RALYL: variants seen among roughly 807,000 people sequenced by gnomAD.
The protein encoded by RALYL is RNA-binding Raly-like protein.
A neutral mutation model predicts 35.1 loss-of-function variants in RALYL; 29 were observed. The ratio of observed to expected loss-of-function variants is 0.83; its 90% CI spans 0.61 to 1.13. The LOEUF (loss-of-function observed/expected upper bound fraction) is 1.13, where lower values mean the gene tolerates loss of function less well. Ranked by LOEUF, RALYL falls within the 50% of genes most tolerant of loss-of-function variation. The pLI is 0.00. For synonymous variants in RALYL, 120 were observed against 127.6 expected, an observed-to-expected ratio of 0.94 and a Z score of 0.40; for missense variants, 359 against 360.4, an observed-to-expected ratio of 1.00 and a Z score of 0.03.
intron 1 of RALYL, among the ~76,000 whole-genome samples, chr8:84,224,840 A>G (rs1310369534): frequency 6.6e-6 from 1 of 152,074 alleles, no homozygotes; most frequent in Non-Finnish European, 1.5e-5. Flanking sequence ...TATTTTCAGT[A>G]GAGACAGGGT....
At chr8:84,432,888 G>A (rs1339001631) in intron 1 of RALYL, among the ~76,000 whole-genome samples, 1 of 152,036 alleles carries the variant, frequency 6.6e-6, no homozygotes, top group Admixed American at 6.6e-5. Context: ...CACAATTTCA[G>A]ACTTCTATCC....
intron 1 of RALYL, among the ~76,000 whole-genome samples, chr8:84,427,720 G>C (rs1385810875): frequency 6.6e-6 from 1 of 152,098 alleles, no homozygotes. Context: ...ACTGCTATCT[G>C]AGACGCGTTC....
At chr8:84,898,771 G>A (rs368271822) in intron 8 of RALYL, among the ~76,000 whole-genome samples, 11 of 152,134 alleles carry the variant, frequency 7.2e-5, no homozygotes, top group Admixed American at 3.3e-4. Context: ...ATGTCATTCC[G>A]TACCTGATCC....
At chr8:84,693,062 G>T (rs1390545564) in intron 2 of RALYL, among the ~76,000 whole-genome samples, 1 of 151,932 alleles carries the variant, frequency 6.6e-6, no homozygotes, top group African/African-American at 2.4e-5. Flanking sequence ...GAGTAAATTT[G>T]TGTGGTTTTA....
At chr8:84,752,919 A>G (rs1810426189) in intron 2 of RALYL, among the ~76,000 whole-genome samples, 1 of 152,162 alleles carries the variant, frequency 6.6e-6, no homozygotes, top group Admixed American at 6.5e-5. Context: ...TAAAGGGGCA[A>G]TAAGTCCCCA....
intron 2 of RALYL, among the ~76,000 whole-genome samples, chr8:84,689,583 GTA>G (rs1363737841): frequency 1.3e-5 from 2 of 152,008 alleles, no homozygotes; most frequent in Non-Finnish European, 2.9e-5. Context: ...AGTCCTTTGG[GTA>G]TATACCCAGT....
At chr8:84,281,268 A>C (rs1444189567) in intron 1 of RALYL, among the ~76,000 whole-genome samples, 1 of 152,186 alleles carries the variant, frequency 6.6e-6, no homozygotes, top group Non-Finnish European at 1.5e-5. Flanking sequence ...TTTTAGATAC[A>C]TGAACAAACA....
At chr8:84,792,183 C>T (rs149247161) in intron 3 of RALYL, among the ~76,000 whole-genome samples, 1 of 152,204 alleles carries the variant, frequency 6.6e-6, no homozygotes, top group Non-Finnish European at 1.5e-5. Flanking sequence ...GTACCCGGGT[C>T]CTTGTCCAGC....
chr8:84,891,875 A>G (rs528817294), intron 8 of RALYL, among the ~76,000 whole-genome samples: 22 of 152,210 alleles, frequency 1.4e-4, no homozygotes, highest in Non-Finnish European at 3.1e-4. Context: ...GGCATCATAG[A>G]TTTGAACAGC....
chr8:84,460,233 G>T (rs1295724838), intron 1 of RALYL, among the ~76,000 whole-genome samples: 1 of 151,656 alleles, frequency 6.6e-6, no homozygotes, highest in Non-Finnish European at 1.5e-5. Context: ...ATCTATATTT[G>T]TGGAAGTCTA....
intron 1 of RALYL, among the ~76,000 whole-genome samples, chr8:84,306,160 T>A (rs1402726723): frequency 2.0e-5 from 3 of 148,958 alleles, no homozygotes; most frequent in African/African-American, 7.4e-5. Context: ...CGAGACTCCG[T>A]CTAAAAAAAA....
chr8:84,680,329 T>C (rs1168337346), intron 2 of RALYL, among the ~76,000 whole-genome samples: 1 of 152,174 alleles, frequency 6.6e-6, no homozygotes, highest in East Asian at 1.9e-4. Flanking sequence ...TGTGTCTTTA[T>C]AGCAGCATGA....
At chr8:84,585,355 C>T (rs1811755364) in intron 2 of RALYL, among the ~76,000 whole-genome samples, 1 of 151,958 alleles carries the variant, frequency 6.6e-6, no homozygotes, top group African/African-American at 2.4e-5. Context: ...TGTGTGAGCC[C>T]ATTAAATGTT....
chr8:84,640,281 C>T (rs1051911912), intron 2 of RALYL, among the ~76,000 whole-genome samples: 2 of 151,714 alleles, frequency 1.3e-5, no homozygotes, highest in South Asian at 4.1e-4. Context: ...GAATTAAAAA[C>T]CTAATAAAGA....
intron 2 of RALYL, among the ~76,000 whole-genome samples, chr8:84,552,241 A>C (rs1417455795): frequency 6.6e-6 from 1 of 150,826 alleles, no homozygotes; most frequent in East Asian, 1.9e-4. Context: ...GTGCTGAGAA[A>C]ATACAAATAA....
At chr8:84,743,552 A>G (rs774434635) in intron 2 of RALYL, among the ~76,000 whole-genome samples, 23 of 152,048 alleles carry the variant, frequency 1.5e-4, no homozygotes, top group Non-Finnish European at 8.8e-5. Context: ...ATTCACAGCT[A>G]GGGAGTTACT....
intron 1 of RALYL, among the ~76,000 whole-genome samples, chr8:84,287,141 T>G (rs1302703610): frequency 6.6e-6 from 1 of 152,188 alleles, no homozygotes; most frequent in African/African-American, 2.4e-5. Flanking sequence ...GATTTTATTT[T>G]ATTTTATTTC....
intron 1 of RALYL, among the ~76,000 whole-genome samples, chr8:84,412,001 C>T (rs1034624772): frequency 6.6e-6 from 1 of 151,844 alleles, no homozygotes; most frequent in African/African-American, 2.4e-5. Flanking sequence ...TGATAATATA[C>T]ACAAAATGCG....
chr8:84,558,090 A>G (rs985348294), intron 2 of RALYL, among the ~76,000 whole-genome samples: 3 of 152,184 alleles, frequency 2.0e-5, no homozygotes, highest in Non-Finnish European at 2.9e-5. Flanking sequence ...TGCTTAAATT[A>G]TAAGTGTAAA....
Sources: allele counts gnomAD v4.1 joint callset (sites outside exome capture counted in the v4.1 genomes callset), GRCh38; gene constraint gnomAD v4.1.1; transcripts MANE v1.5; gene names NCBI Gene and HGNC (gene_info 2026-07-23, HGNC 2026-07-21).